Variants in AFAP1L2 observed in about 807,000 individuals in gnomAD.
AFAP1L2 encodes the protein actin filament associated protein 1 like 2.
Under a neutral mutation model 99.3 loss-of-function variants are expected in AFAP1L2, and 46 were observed. The ratio of observed to expected loss-of-function variants is 0.46; its 90% confidence interval spans 0.37 to 0.59. The LOEUF (loss-of-function observed/expected upper bound fraction) is 0.59, where lower values mean the gene tolerates loss of function less well. Ranked by LOEUF, AFAP1L2 falls within the 20% of genes least tolerant of loss-of-function variation. AFAP1L2 has a pLI of 0.00. For synonymous variants in AFAP1L2, 397 were observed against 419.1 expected, an observed-to-expected ratio of 0.95 and a Z score of 0.64; for missense variants, 959 against 1,034.9, an observed-to-expected ratio of 0.93 and a Z score of 1.01.
chr10:114,345,837 C>A (rs1387441376), intron 1 of AFAP1L2, among the ~76,000 whole-genome samples: 1 of 152,178 alleles, frequency 6.6e-6, no homozygotes, highest in Non-Finnish European at 1.5e-5. Flanking sequence ...CAGGGAGAGC[C>A]CACAGGACCT....
Position 114,294,885 on chromosome 10 carries a change from C to G in AFAP1L2, c.*1157G>C. On this transcript the variant is annotated 3_prime_UTR_variant, in exon 19 of 19. Coordinates refer to ENST00000304129, the MANE Select transcript of AFAP1L2 (RefSeq NM_001001936.3). ...ACTAACTCACCACTTGGTAAAAGGT[C>G]ACCAAATGTTTATGAGAGAGGAAAT... 1.0e-6 allele frequency: 1 copy of G among 982,500 alleles called. No individual in the cohort carries two copies. Among genetic ancestry groups the G allele is most frequent in the Non-Finnish European group, 1.2e-6 (1 of 827,278 alleles). 60.9% of individuals were successfully genotyped at this position (982,500 alleles called of 1,614,324 possible).
chr10:114,336,687 C>A, intron 2 of AFAP1L2, among the ~76,000 whole-genome samples: 1 of 122,396 alleles, frequency 8.2e-6, no homozygotes, highest in African/African-American at 3.2e-5. Flanking sequence ...TCCCTGGAGC[C>A]TCTGAGGGTG....
At chr10:114,396,035 C>T (rs1280040248) in intron 1 of AFAP1L2, among the ~76,000 whole-genome samples, 2 of 152,192 alleles carry the variant, frequency 1.3e-5, no homozygotes, top group Admixed American at 1.3e-4. Flanking sequence ...TTCCAGAAAA[C>T]CCTGGAACAG....
At chr10:114,284,765 T>C in the AFAP1L2 span, 1 of 1,195,930 alleles carries the variant, frequency 8.4e-7, no homozygotes, top group Non-Finnish European at 1.2e-6. Flanking sequence ...GCTGGGCCAC[T>C]GCTAGAGCAG....
intron 1 of AFAP1L2, among the ~76,000 whole-genome samples, chr10:114,356,128 T>C (rs1437210894): frequency 6.6e-6 from 1 of 152,214 alleles, no homozygotes; most frequent in African/African-American, 2.4e-5. Flanking sequence ...AACATTTATC[T>C]GAAACTCCCA....
chr10:114,300,818 TG>T (rs984249123), intron 13 of AFAP1L2, 128 bp from the exon 14 acceptor site: 53 of 1,270,538 alleles, frequency 4.2e-5, no homozygotes, highest in African/African-American at 2.4e-4. Flanking sequence ...CCCTCCCTGC[TG>T]GGGGGGCCAC....
chr10:114,338,296 G>T (rs1006066733), intron 2 of AFAP1L2, among the ~76,000 whole-genome samples: 12 of 152,262 alleles, frequency 7.9e-5, no homozygotes, highest in African/African-American at 2.6e-4. Flanking sequence ...GCCTGTTCCC[G>T]CTGGGAGGCA....
intron 5 of AFAP1L2, chr10:114,319,757 G>T: frequency 1.5e-6 from 1 of 675,962 alleles, no homozygotes; most frequent in Non-Finnish European, 2.2e-6. Flanking sequence ...TGGCAACTCG[G>T]CTGCCAGTCC....
At chr10:114,285,611 A>G in the AFAP1L2 span, among the ~76,000 whole-genome samples, 1 of 152,262 alleles carries the variant, frequency 6.6e-6, no homozygotes, top group Non-Finnish European at 1.5e-5. Flanking sequence ...AGCCTGTAGA[A>G]GCAAACACAG....
intron 7 of AFAP1L2, among the ~76,000 whole-genome samples, chr10:114,313,063 T>G (rs1590058837): frequency 2.3e-5 from 3 of 131,604 alleles, no homozygotes; most frequent in African/African-American, 9.0e-5. Flanking sequence ...TGGAGTGGGG[T>G]GGGGTGCGGG....
In AFAP1L2 at chr10:114,295,967, A is replaced by G; in HGVS notation, c.*75T>C. On this transcript the variant is annotated 3_prime_UTR_variant, in exon 19 of 19. Coordinates refer to ENST00000304129, the MANE Select transcript of AFAP1L2 (RefSeq NM_001001936.3). ...TCTAAACAGACTCACCCTTTCGCAT[A>G]GTTTTTGCTTTAACAAAGCAGGATT... 2 of 1,612,658 alleles carry G rather than the reference A, an allele frequency of 1.2e-6. No individual in the cohort carries two copies. The highest frequency in any genetic ancestry group is 2.2e-5 in the East Asian group (1 of 44,854).
downstream of AFAP1L2, among the ~76,000 whole-genome samples, chr10:114,293,910 G>A (rs1435881858): frequency 6.6e-6 from 1 of 152,056 alleles, no homozygotes; most frequent in Non-Finnish European, 1.5e-5. Flanking sequence ...TCCATATCTG[G>A]TTCTTGACTT....
intron 1 of AFAP1L2, among the ~76,000 whole-genome samples, chr10:114,360,972 A>G (rs1458116513): frequency 6.6e-6 from 1 of 152,218 alleles, no homozygotes; most frequent in East Asian, 1.9e-4. Context: ...CAATTTACAA[A>G]GGAAAGAGGT....
chr10:114,312,286 T>C (rs2043372674), intron 7 of AFAP1L2, among the ~76,000 whole-genome samples: 2 of 149,838 alleles, frequency 1.3e-5, no homozygotes, highest in Admixed American at 1.3e-4. Context: ...TGTGTGTACA[T>C]ATACATGCGC....
At chr10:114,362,896 G>A (rs1185908328) in intron 1 of AFAP1L2, 8 of 938,848 alleles carry the variant, frequency 8.5e-6, no homozygotes, top group Non-Finnish European at 1.0e-5. Flanking sequence ...CATTCACTCT[G>A]CTGAAACAAG....
At chr10:114,378,161 C>T (rs768848205) in intron 1 of AFAP1L2, among the ~76,000 whole-genome samples, 25 of 152,310 alleles carry the variant, frequency 1.6e-4, no homozygotes, top group East Asian at 3.9e-4. Flanking sequence ...ACCTTATCCA[C>T]GGAATTCTCA....
At chr10:114,370,520 A>T (rs2053949946) in intron 1 of AFAP1L2, among the ~76,000 whole-genome samples, 1 of 152,226 alleles carries the variant, frequency 6.6e-6, no homozygotes, top group Non-Finnish European at 1.5e-5. Flanking sequence ...GGGTCCACAG[A>T]AGGCTGGAAG....
chr10:114,329,044 G>A (rs907066120), intron 4 of AFAP1L2, among the ~76,000 whole-genome samples: 1 of 152,208 alleles, frequency 6.6e-6, no homozygotes, highest in Non-Finnish European at 1.5e-5. Flanking sequence ...TTTGCTAGAA[G>A]TCTCCCTGGG....
rs545521793 is a variant in AFAP1L2 at position 114,302,817 on chromosome 10, GTTAA to G, written c.1285-337_1285-334del. On this transcript the variant is annotated intron_variant, in intron 11 of 18. Transcript: ENST00000304129. ...TATTAAAAACTGTTAGTGACCACCTGTTAATTAATAGTTTTTAAAATGATTAAAA... is the reference window on the plus strand; with the variant it reads ...TATTAAAAACTGTTAGTGACCACCTGTTAATAGTTTTTAAAATGATTAAAA... 3.5e-4 allele frequency among the ~76,000 whole-genome samples: 54 copies of G among 152,224 alleles called. 1 individual carries two copies. The highest frequency in any genetic ancestry group is 3.4e-3 in the Middle Eastern group (1 of 294).
Sources: gnomAD v4.1 joint callset for allele counts (sites outside exome capture counted in the v4.1 genomes callset) on GRCh38, gnomAD v4.1.1 for gene constraint, MANE v1.5 for transcripts, NCBI Gene and HGNC (gene_info 2026-07-23, HGNC 2026-07-21) for gene names.